TRMT2A: variants seen among roughly 807,000 people sequenced by gnomAD.
TRMT2A encodes the protein tRNA (uracil-5-)-methyltransferase homolog A.
A neutral mutation model predicts 59.3 loss-of-function variants in TRMT2A; 60 were observed. The observed-to-expected ratio is 1.01, with a 90% confidence interval of 0.82 to 1.26. The LOEUF (loss-of-function observed/expected upper bound fraction) is 1.26, where lower values mean the gene tolerates loss of function less well. TRMT2A is among the 50% of genes most tolerant of loss of function. The pLI is 0.00. For missense variants in TRMT2A, 863 were observed against 845.2 expected, an observed-to-expected ratio of 1.02 and a Z score of -0.26; for synonymous variants, 403 against 353.7, an observed-to-expected ratio of 1.14 and a Z score of -1.56.
Position 20,116,936 on chromosome 22 carries a change from G to A in TRMT2A, c.-30C>T, listed in dbSNP as rs1371173483. 1.3e-6 allele frequency: 2 copies of A among 1,582,106 alleles called. No individual in the cohort carries two copies. The highest frequency in any genetic ancestry group is 2.3e-5 in the South Asian group (2 of 86,652). Reference sequence around the variant, plus strand: ...CAGGCGGTTCTCCGCCTAGACCAGGGACGCCATGGGGGCCGCCTGGCCACC... The same window carrying A: ...CAGGCGGTTCTCCGCCTAGACCAGGAACGCCATGGGGGCCGCCTGGCCACC... On this transcript the variant is annotated 5_prime_UTR_variant, in exon 1 of 12. Coordinates refer to ENST00000252136, the MANE Select transcript of TRMT2A (RefSeq NM_022727.6).
At position 20,116,586 on chromosome 22, in the gene TRMT2A, GCC is replaced by G; in HGVS notation, c.49_50del (p.Gly17ProfsTer49). Reference protein sequence around the residue: ...NEGPKPMESCGQESSSALSCP... With the variant: ...NEGPKPMESCXQESSSALSCP... The stretch of plus-strand genomic sequence containing the variant: ...AGCTCAGGGCACTGCTGCTCTCCTG[GCC>G]ACAGCTCTCCATGGGCTTCGGGCCC... On this transcript the variant is annotated frameshift_variant, in exon 2 of 12. Coordinates refer to ENST00000252136, the MANE Select transcript of TRMT2A (RefSeq NM_022727.6). LOFTEE classifies it high-confidence loss of function. 6.4e-7 allele frequency: 1 copy of G among 1,557,444 alleles called. No individual in the cohort carries two copies. The highest frequency in any genetic ancestry group is 8.6e-7 in the Non-Finnish European group (1 of 1,156,694).
Position 20,117,097 on chromosome 22 carries a change from C to A in TRMT2A, c.-191G>T, listed in dbSNP as rs2050050865. The stretch of plus-strand genomic sequence containing the variant: ...GCCCCAGGCGGGGCGGGACTCGAAC[C>A]TGCGATGCTCAGGTCCGGGTCTCAG... On this transcript the variant is annotated 5_prime_UTR_variant, in exon 1 of 12. In the 5' UTR this introduces an upstream ATG that the reference lacks. Transcript: ENST00000252136. The A allele has an allele frequency of 1.4e-6, 1 of 727,848 alleles. No homozygotes were observed. The highest frequency in any genetic ancestry group is 2.2e-6 in the Non-Finnish European group (1 of 447,794). The allele number at this position is 727,848 out of a possible 1,614,324, so 45.1% of individuals were successfully genotyped here.
Position 20,113,251 on chromosome 22 carries a change from G to C in TRMT2A, c.1433-17C>G, listed in dbSNP as rs370888700. ...TACTCAACTCTGAAGAGATGGCACCGTGGCCTGTCAGAGGGCCACATGCCC... is the reference window on the plus strand; with the variant it reads ...TACTCAACTCTGAAGAGATGGCACCCTGGCCTGTCAGAGGGCCACATGCCC... On this transcript the variant is annotated splice_polypyrimidine_tract_variant and intron_variant, in intron 9 of 11. Transcript: ENST00000252136. The C allele has an allele frequency of 7.8e-6, 12 of 1,531,518 alleles. No homozygotes were observed. Among genetic ancestry groups the C allele is most frequent in the Non-Finnish European group, 9.6e-6 (11 of 1,141,110 alleles). 94.9% of individuals were successfully genotyped at this position (1,531,518 alleles called of 1,614,324 possible).
intron 2 of TRMT2A, 90 bp from the exon 3 acceptor site, chr22:20,115,870 T>TC (rs2049998382): frequency 1.4e-6 from 2 of 1,416,630 alleles, no homozygotes; most frequent in East Asian, 4.8e-5. Flanking sequence ...TCCTGACCCC[T>TC]CCTTTGGGAT....
Position 20,117,035 on chromosome 22 carries a change from G to T in TRMT2A, c.-129C>A. 3 of 1,258,348 alleles carry T rather than the reference G, an allele frequency of 2.4e-6. No individual in the cohort carries two copies. Among genetic ancestry groups the T allele is most frequent in the South Asian group, 2.8e-5 (2 of 71,736 alleles). 77.9% of individuals were successfully genotyped at this position (1,258,348 alleles called of 1,614,324 possible). ...TCAGAGGGGAGGTGCTCACAGAGCC[G>T]GTGCAACGCCGCGAGGTCGCCGCCA... On this transcript the variant is annotated 5_prime_UTR_variant, in exon 1 of 12. Transcript: ENST00000252136.
rs758347614 is a variant in TRMT2A at position 20,112,941 on chromosome 22, T to C, written c.1616A>G (p.Asn539Ser). The stretch of plus-strand genomic sequence containing the variant: ...AAAGTTGCCCATGGCTGCCCGGGGG[T>C]TGCATGAGACGTACAGCAGCCGCCT... ...NLRRLLYVSC[N>S]PRAAMGNFVD... The change falls in exon 11 of 12, where the codon AAC becomes AGC. Residue 539 changes from asparagine (N) to serine (S), a missense_variant. Asn to Ser is a conservative substitution (Grantham distance 46). Coordinates refer to ENST00000252136, the MANE Select transcript of TRMT2A (RefSeq NM_022727.6). The C allele has an allele frequency of 5.9e-5, 95 of 1,613,182 alleles. No homozygotes were observed. The highest frequency in any genetic ancestry group is 7.0e-5 in the Non-Finnish European group (83 of 1,179,882).
chr22:20,113,393 GC>G (rs748833972), intron 9 of TRMT2A, 38 bp downstream of exon 9: 55 of 1,556,144 alleles, frequency 3.5e-5, no homozygotes, highest in Non-Finnish European at 6.1e-6. Context: ...GGTGGCGGCT[GC>G]CCCCATCCCC....
chr22:20,112,931 T>C lies in TRMT2A; in HGVS notation c.1626A>G (p.Ala542=), dbSNP rs761232518. ...RLLYVSCNPR[A]AMGNFVDLCR... is the part of the protein sequence containing the mutation. ...CTCACTCCACAAAGTTGCCCATGGC[T>C]GCCCGGGGGTTGCATGAGACGTACA... The change falls in exon 11 of 12, where the codon GCA becomes GCG. Residue 542 remains alanine, a synonymous_variant. Coordinates refer to ENST00000252136, the MANE Select transcript of TRMT2A (RefSeq NM_022727.6). The C allele has an allele frequency of 6.2e-7, 1 of 1,613,764 alleles. No homozygotes were observed. Among genetic ancestry groups the C allele is most frequent in the Non-Finnish European group, 8.5e-7 (1 of 1,179,986 alleles).
rs972014763 is a variant in TRMT2A, at chr22:20,115,936, C to T, written c.599+102G>A. 4.0e-5 allele frequency: 58 copies of T among 1,443,076 alleles called. No individual in the cohort carries two copies. The East Asian group carries it at 1.3e-3, about 32-fold the overall frequency. 89.4% of individuals were successfully genotyped at this position (1,443,076 alleles called of 1,614,324 possible). A position where few individuals can be genotyped will look rare whatever the true frequency, so the allele number is the denominator to read the frequency against. On this transcript the variant is annotated intron_variant, in intron 2 of 11. Transcript: ENST00000252136. ...TGCTGGCTAGCTCCCAAAGGGGCCG[C>T]CAGATCCTGTGCTGGGCCTCCCAAC...
rs767867646 is a variant in TRMT2A, at chr22:20,115,017, A to G, written c.953T>C (p.Val318Ala). Residue 318 changes from valine to alanine, a missense_variant, in exon 5 of 12, where the codon GTG (valine) becomes GCG (alanine). Transcript: ENST00000252136. ...GGCCTGGTGGCGGCGGCTGGTGCGCACAGTCAGCTGCTTCCAGTGGCCTGT... is the reference window on the plus strand; with the variant it reads ...GGCCTGGTGGCGGCGGCTGGTGCGCGCAGTCAGCTGCTTCCAGTGGCCTGT... ...TYTGHWKQLT[V>A]RTSRRHQAMA... The G allele has an allele frequency of 1.7e-5, 27 of 1,599,840 alleles. No homozygotes were observed. Among genetic ancestry groups the G allele is most frequent in the Non-Finnish European group, 2.3e-5 (27 of 1,175,784 alleles).
chr22:20,113,854 G>C, intron 7 of TRMT2A, 46 bp from the exon 8 acceptor site: 1 of 1,508,082 alleles, frequency 6.6e-7, no homozygotes, highest in Non-Finnish European at 8.9e-7. Context: ...CTCTCCTGTG[G>C]TGCCACTGGT....
Position 20,112,330 on chromosome 22 carries a change from C to T in TRMT2A, c.*233G>A, listed in dbSNP as rs1005970721. On this transcript the variant is annotated 3_prime_UTR_variant, in exon 12 of 12. Coordinates refer to ENST00000252136, the MANE Select transcript of TRMT2A (RefSeq NM_022727.6). ...TTGAGCAGTTGTTTATTCTGGCCCT[C>T]ACAGCCTTGGCTAGTCCACAAAGGC... 5.2e-6 allele frequency: 3 copies of T among 575,686 alleles called. No homozygotes were observed. Among genetic ancestry groups the T allele is most frequent in the Non-Finnish European group, 9.2e-6 (3 of 326,922 alleles). 35.7% of individuals were successfully genotyped at this position (575,686 alleles called of 1,614,324 possible).
In TRMT2A at chr22:20,116,622, G is replaced by C. The variant is rs769526875; in HGVS notation, c.25-10C>G. 97 of 1,529,364 alleles carry C rather than the reference G, an allele frequency of 6.3e-5. 1 individual carries two copies. The highest frequency in any genetic ancestry group is 3.0e-4 in the Admixed American group (14 of 47,016). The allele number at this position is 1,529,364 out of a possible 1,614,324, so 94.7% of individuals were successfully genotyped here. ...CCATGGGCTTCGGGCCCTGTGTGGG[G>C]ACAGATGGGGTGCTAGGGTGAGGAC... On this transcript the variant is annotated splice_polypyrimidine_tract_variant and intron_variant, in intron 1 of 11. Coordinates refer to ENST00000252136, the MANE Select transcript of TRMT2A (RefSeq NM_022727.6).
chr22:20,113,042 C>T (rs1568968701), intron 10 of TRMT2A, 35 bp from the exon 11 acceptor site: 2 of 1,612,866 alleles, frequency 1.2e-6, no homozygotes, highest in Non-Finnish European at 8.5e-7. Flanking sequence ...TCCCCACAGC[C>T]AGAGAGTGCA....
chr22:20,116,678 C>G, intron 1 of TRMT2A, 66 bp from the exon 2 acceptor site: 1 of 1,494,924 alleles, frequency 6.7e-7, no homozygotes, highest in South Asian at 1.3e-5. Flanking sequence ...CCCCAAGCTT[C>G]CTTATGGGAC....
chr22:20,114,592 A>T lies in TRMT2A; in HGVS notation c.1215T>A (p.Ser405=). 1 of 1,613,546 alleles carries T rather than the reference A, an allele frequency of 6.2e-7. No homozygotes were observed. Among genetic ancestry groups the T allele is most frequent in the Non-Finnish European group, 8.5e-7 (1 of 1,179,818 alleles). The change falls in exon 7 of 12, where the codon TCT becomes TCA. Residue 405 remains serine (S), a synonymous_variant. Coordinates refer to ENST00000252136, the MANE Select transcript of TRMT2A (RefSeq NM_022727.6). ...TGGCTACCTGGAAGAAGGCGTGTGG[A>T]GAGATCCGGAAGGTCAGCCCTAGCA... ...EDLLGLTFRI[S]PHAFFQVNTP...
Position 20,112,472 on chromosome 22 carries a change from C to T in TRMT2A, c.*91G>A. On this transcript the variant is annotated 3_prime_UTR_variant, in exon 12 of 12. Coordinates refer to ENST00000252136, the MANE Select transcript of TRMT2A (RefSeq NM_022727.6). ...GGGTTCTGTGCCCTTTGGCTGCCTA[C>T]CTCTGAATATCCTGGCCAGCAAGCC... The T allele has an allele frequency of 2.1e-6, 3 of 1,462,882 alleles. No individual in the cohort carries two copies. Among genetic ancestry groups the T allele is most frequent in the Non-Finnish European group, 2.7e-6 (3 of 1,093,540 alleles). 90.6% of individuals were successfully genotyped at this position (1,462,882 alleles called of 1,614,324 possible).
chr22:20,116,163 C>A lies in TRMT2A; in HGVS notation c.474G>T (p.Glu158Asp), dbSNP rs758153297. ...ADPMARRRRQ[E>D]GESEPPVTRV... is the part of the protein sequence containing the mutation. ...GTGTTACTGGTGGCTCACTCTCACCCTCCTGTCGCCTCCTCCTGGCCATGG... is the reference window on the plus strand; with the variant it reads ...GTGTTACTGGTGGCTCACTCTCACCATCCTGTCGCCTCCTCCTGGCCATGG... The change falls in exon 2 of 12, where the codon GAG (glutamate) becomes GAT (aspartate). Residue 158 changes from glutamate (E) to aspartate (D), a missense_variant. Physicochemically the swap from Glu to Asp is conservative, Grantham distance 45 (BLOSUM62 2). Transcript: ENST00000252136. 1 of 1,613,116 alleles carries A rather than the reference C, an allele frequency of 6.2e-7. No homozygotes were observed. Among genetic ancestry groups the A allele is most frequent in the Non-Finnish European group, 8.5e-7 (1 of 1,179,934 alleles).
In TRMT2A at chr22:20,115,428, C is replaced by T. The variant is rs1346362141; in HGVS notation, c.728G>A (p.Cys243Tyr). The change falls in exon 4 of 12, where the codon TGT becomes TAT. Residue 243 changes from cysteine (C) to tyrosine (Y), a missense_variant. Coordinates refer to ENST00000252136, the MANE Select transcript of TRMT2A (RefSeq NM_022727.6). ...CACCCCGACGCCAACCAGAAACTCA[C>T]ACTTATTACGATACTCAGTCTGCAG... ...SPQQTEYRNK[C>Y]EFLVGVGVDG... The T allele has an allele frequency of 6.2e-7, 1 of 1,610,530 alleles. No individual in the cohort carries two copies. The highest frequency in any genetic ancestry group is 1.3e-5 in the African/African-American group (1 of 75,022).
Sources: allele counts gnomAD v4.1 joint callset, GRCh38; gene constraint gnomAD v4.1.1; transcripts MANE v1.5; gene names NCBI Gene and HGNC (gene_info 2026-07-23, HGNC 2026-07-21).